The following CLSTN2 variants were observed in gnomAD, a reference collection of about 807,000 sequenced individuals.
CLSTN2 encodes calsyntenin 2.
A neutral mutation model predicts 101.2 loss-of-function variants in CLSTN2; 48 were observed. The observed-to-expected ratio is 0.47, with a 90% CI of 0.38 to 0.60. The LOEUF is 0.60. CLSTN2 is among the 20% of genes least tolerant of loss of function. The probability of loss-of-function intolerance (pLI) is 0.00; values close to 1 mark genes in which losing one functional copy is unlikely to be tolerated. For synonymous variants in CLSTN2, 481 were observed against 463.6 expected (o/e 1.04, Z -0.48); for missense variants, 1,160 against 1,238.2 (o/e 0.94, Z 0.95).
At chr3:140,472,179 G>T (rs1223250062) in intron 8 of CLSTN2, among the ~76,000 whole-genome samples, 2 of 152,056 alleles carry the variant, frequency 1.3e-5, no homozygotes, top group African/African-American at 4.8e-5. Flanking sequence ...GTTTGGTGGT[G>T]GTATTCCTCC....
intron 2 of CLSTN2, among the ~76,000 whole-genome samples, chr3:140,183,202 A>G (rs985501345): frequency 3.9e-5 from 6 of 152,210 alleles, no homozygotes; most frequent in Non-Finnish European, 1.5e-5. Context: ...GCTTTAGGCC[A>G]AACTAATGTT....
chr3:140,460,776 A>G (rs531141863), intron 7 of CLSTN2, among the ~76,000 whole-genome samples: 6 of 152,278 alleles, frequency 3.9e-5, no homozygotes, highest in East Asian at 1.9e-4. Flanking sequence ...TAATTCTACA[A>G]TTTCCCATTT....
At chr3:140,239,516 T>C (rs1208788376) in intron 2 of CLSTN2, among the ~76,000 whole-genome samples, 2 of 152,226 alleles carry the variant, frequency 1.3e-5, no homozygotes, top group African/African-American at 4.8e-5. Context: ...TAATATAATA[T>C]AGACAATATT....
At chr3:140,502,513 A>G (rs376986609) in intron 8 of CLSTN2, among the ~76,000 whole-genome samples, 1 of 152,150 alleles carries the variant, frequency 6.6e-6, no homozygotes, top group East Asian at 1.9e-4. Context: ...ACTTTTAAAC[A>G]CCTTTTGGAA....
intron 8 of CLSTN2, among the ~76,000 whole-genome samples, chr3:140,521,944 G>GCTGGGAAT (rs1559893396): frequency 1.3e-5 from 2 of 152,260 alleles, no homozygotes; most frequent in East Asian, 3.9e-4. Flanking sequence ...ATTCCACCTC[G>GCTGGGAAT]CTGGGAATCC....
chr3:140,050,481 G>C (rs1331497378), intron 1 of CLSTN2, among the ~76,000 whole-genome samples: 1 of 152,234 alleles, frequency 6.6e-6, no homozygotes, highest in Non-Finnish European at 1.5e-5. Flanking sequence ...TCCCCAGGCT[G>C]AAGGAGAAGT....
At chr3:140,278,945 C>T (rs1258616811) in intron 2 of CLSTN2, among the ~76,000 whole-genome samples, 1 of 152,098 alleles carries the variant, frequency 6.6e-6, no homozygotes, top group Non-Finnish European at 1.5e-5. Flanking sequence ...GGTCTTGACT[C>T]CTGAGCTTGA....
intron 4 of CLSTN2, among the ~76,000 whole-genome samples, chr3:140,405,298 A>T (rs1372140215): frequency 6.6e-6 from 1 of 151,126 alleles, no homozygotes; most frequent in East Asian, 1.9e-4. Flanking sequence ...CACAATCTTC[A>T]CTCACTGCAA....
At chr3:140,111,062 T>A (rs531502306) in intron 1 of CLSTN2, among the ~76,000 whole-genome samples, 3 of 152,336 alleles carry the variant, frequency 2.0e-5, no homozygotes, top group African/African-American at 7.2e-5. Context: ...CAAGGTTTAA[T>A]GTGTATCACT....
intron 2 of CLSTN2, among the ~76,000 whole-genome samples, chr3:140,291,711 C>G (rs1196804394): frequency 6.6e-6 from 1 of 151,506 alleles, no homozygotes; most frequent in Non-Finnish European, 1.5e-5. Flanking sequence ...ACTCTACCAT[C>G]TCAAGCACTT....
chr3:140,188,762 A>T (rs986231810), intron 2 of CLSTN2, among the ~76,000 whole-genome samples: 3 of 152,224 alleles, frequency 2.0e-5, no homozygotes, highest in Non-Finnish European at 4.4e-5. Context: ...GTAAGACATC[A>T]TACAGAGAGA....
chr3:140,158,462 T>C (rs962992450), intron 1 of CLSTN2, among the ~76,000 whole-genome samples: 3 of 151,824 alleles, frequency 2.0e-5, no homozygotes, highest in Non-Finnish European at 4.4e-5. Flanking sequence ...TATGAAAAAA[T>C]TGAAATACCT....
chr3:140,510,759 T>G (rs1173443277), intron 8 of CLSTN2, among the ~76,000 whole-genome samples: 3 of 152,232 alleles, frequency 2.0e-5, no homozygotes, highest in Non-Finnish European at 1.5e-5. Flanking sequence ...GGCAACCTCC[T>G]GGGAAGATCT....
chr3:140,502,610 C>T (rs188269467), intron 8 of CLSTN2, among the ~76,000 whole-genome samples: 1 of 152,264 alleles, frequency 6.6e-6, no homozygotes, highest in African/African-American at 2.4e-5. Context: ...AATCAGAAAT[C>T]AGAGCACATT....
intron 8 of CLSTN2, among the ~76,000 whole-genome samples, chr3:140,530,169 T>C (rs1323045625): frequency 1.3e-5 from 2 of 152,228 alleles, no homozygotes; most frequent in African/African-American, 2.4e-5. Context: ...TGTTACATAA[T>C]TAATATCTGG....
intron 2 of CLSTN2, among the ~76,000 whole-genome samples, chr3:140,180,721 G>A (rs1386448054): frequency 6.6e-6 from 1 of 152,182 alleles, no homozygotes; most frequent in African/African-American, 2.4e-5. Context: ...CAGGGCTGCA[G>A]AGAATGATCA....
chr3:140,429,642 C>G (rs1207857288), intron 5 of CLSTN2, among the ~76,000 whole-genome samples: 1 of 152,142 alleles, frequency 6.6e-6, no homozygotes, highest in East Asian at 1.9e-4. Flanking sequence ...GGACGAAGGA[C>G]TCCTCGGCAA....
chr3:140,496,994 G>A (rs575667542), intron 8 of CLSTN2, among the ~76,000 whole-genome samples: 1 of 151,952 alleles, frequency 6.6e-6, no homozygotes, highest in African/African-American at 2.4e-5. Context: ...CCAGCTACTC[G>A]GGAGGCTGAG....
chr3:140,131,163 A>G (rs2009516957), intron 1 of CLSTN2, among the ~76,000 whole-genome samples: 1 of 152,114 alleles, frequency 6.6e-6, no homozygotes, highest in Non-Finnish European at 1.5e-5. Context: ...GTGTATTAAA[A>G]AAAAAAATCC....
Sources: allele counts gnomAD v4.1 joint callset (sites outside exome capture counted in the v4.1 genomes callset), GRCh38; gene constraint gnomAD v4.1.1; transcripts MANE v1.5; gene names NCBI Gene and HGNC (gene_info 2026-07-23, HGNC 2026-07-21).